The following BCKDHB variants were observed in gnomAD, a reference collection of about 807,000 sequenced individuals.
BCKDHB encodes the protein branched chain keto acid dehydrogenase E1 subunit beta.
A neutral mutation model predicts 48.5 loss-of-function variants in BCKDHB; 41 were observed. The ratio of observed to expected loss-of-function variants is 0.85; its 90% CI spans 0.66 to 1.10. The LOEUF (loss-of-function observed/expected upper bound fraction) is 1.10, where lower values mean the gene tolerates loss of function less well. BCKDHB is among the 50% of genes least tolerant of loss of function. The pLI, the probability that BCKDHB is intolerant of heterozygous loss-of-function variation, is 0.00. For missense variants in BCKDHB, 496 were observed against 494.2 expected, an observed-to-expected ratio of 1.00 and a Z score of -0.03; for synonymous variants, 201 against 174.8, an observed-to-expected ratio of 1.15 and a Z score of -1.18.
chr6:80,197,043 G>A (rs558281550), intron 6 of BCKDHB, among the ~76,000 whole-genome samples: 5 of 152,180 alleles, frequency 3.3e-5, no homozygotes, highest in South Asian at 4.1e-4. Flanking sequence ...GAAATAGAGC[G>A]GTGTCAGTTA....
chr6:80,168,361 G>A (rs771112006), intron 4 of BCKDHB, among the ~76,000 whole-genome samples: 23 of 141,938 alleles, frequency 1.6e-4, no homozygotes, highest in Non-Finnish European at 3.2e-4. Flanking sequence ...GAGGAGAGGA[G>A]AGAGGAAGGG....
chr6:80,211,628 G>A (rs1774936898), intron 8 of BCKDHB, among the ~76,000 whole-genome samples: 2 of 152,116 alleles, frequency 1.3e-5, no homozygotes, highest in Non-Finnish European at 1.5e-5. Context: ...TGATTTCATC[G>A]CTTTCCACCT....
chr6:80,433,352 T>A, the BCKDHB span, among the ~76,000 whole-genome samples: 1 of 152,130 alleles, frequency 6.6e-6, no homozygotes, highest in African/African-American at 2.4e-5. Flanking sequence ...TTTTCAGAGA[T>A]GCCCTGCCCA....
the BCKDHB span, among the ~76,000 whole-genome samples, chr6:80,457,704 C>A: frequency 6.6e-5 from 10 of 152,178 alleles, no homozygotes; most frequent in Admixed American, 2.0e-4. Context: ...ACCGGGAAGT[C>A]AGACAAAGAT....
chr6:80,199,531 A>G (rs1774284091), intron 6 of BCKDHB, among the ~76,000 whole-genome samples: 1 of 151,976 alleles, frequency 6.6e-6, no homozygotes, highest in Non-Finnish European at 1.5e-5. Flanking sequence ...TAATCCCAGC[A>G]CTTTGGGAGC....
At chr6:80,436,723 C>G in the BCKDHB span, among the ~76,000 whole-genome samples, 1 of 152,168 alleles carries the variant, frequency 6.6e-6, no homozygotes, top group African/African-American at 2.4e-5. Flanking sequence ...TTGATTAATA[C>G]TCTTTCCCTT....
chr6:80,153,844 G>C lies in BCKDHB; in HGVS notation c.344-13834G>C, dbSNP rs2127757378. 1.3e-5 allele frequency among the ~76,000 whole-genome samples: 2 copies of C among 152,288 alleles called. 1 individual carries two copies. The highest frequency in any genetic ancestry group is 4.1e-4 in the South Asian group (2 of 4,828). ...AACACCACACAACTGGTAAATGGTG[G>C]AACCAGATTTAAACCCATGTATCGT... On this transcript the variant is annotated intron_variant, in intron 3 of 9. Transcript: ENST00000320393.
intron 1 of BCKDHB, among the ~76,000 whole-genome samples, chr6:80,121,613 T>C (rs1347492292): frequency 6.6e-6 from 1 of 152,208 alleles, no homozygotes; most frequent in Non-Finnish European, 1.5e-5. Flanking sequence ...TATTTTATTT[T>C]GTTTGTAGCA....
intron 3 of BCKDHB, among the ~76,000 whole-genome samples, chr6:80,136,052 T>A (rs1337238292): frequency 6.6e-6 from 1 of 152,226 alleles, no homozygotes; most frequent in East Asian, 1.9e-4. Flanking sequence ...CTACATTTTG[T>A]TTATCCATTC....
intron 7 of BCKDHB, among the ~76,000 whole-genome samples, chr6:80,201,649 C>G (rs1774400340): frequency 1.3e-5 from 2 of 152,218 alleles, no homozygotes; most frequent in African/African-American, 2.4e-5. Flanking sequence ...ATCCACTGGT[C>G]AAGCCTCAAA....
Position 80,150,459 on chromosome 6 carries a change from A to C in BCKDHB, c.344-17219A>C, listed in dbSNP as rs547142056. The stretch of plus-strand genomic sequence containing the variant: ...TTAACTGATACAGTAAATATATTGC[A>C]TATCAGTGAATGATGTCTAATGGAA... On this transcript the variant is annotated intron_variant, in intron 3 of 9. Coordinates refer to ENST00000320393, the MANE Select transcript of BCKDHB (RefSeq NM_183050.4). Among the ~76,000 whole-genome samples the C allele has an allele frequency of 3.3e-5, 5 of 152,142 alleles. 1 individual carries two copies. The South Asian group carries it at 1.0e-3, about 32-fold the overall frequency.
At chr6:80,298,719 G>A (rs896944231) in intron 9 of BCKDHB, among the ~76,000 whole-genome samples, 7 of 152,184 alleles carry the variant, frequency 4.6e-5, no homozygotes, top group Non-Finnish European at 1.0e-4. Flanking sequence ...AAGTAACAGA[G>A]AAGATTGGAA....
chr6:80,164,026 G>A (rs1772451955), intron 3 of BCKDHB, among the ~76,000 whole-genome samples: 1 of 152,136 alleles, frequency 6.6e-6, no homozygotes, highest in Non-Finnish European at 1.5e-5. Flanking sequence ...GTCCACCCTT[G>A]CTATTGACAG....
the BCKDHB span, among the ~76,000 whole-genome samples, chr6:80,384,327 G>A: frequency 1.3e-4 from 18 of 137,702 alleles, no homozygotes; most frequent in Admixed American, 1.0e-3. Context: ...TCGGACTCCC[G>A]ATCTTCTTCT....
At chr6:80,369,827 C>G in the BCKDHB span, among the ~76,000 whole-genome samples, 4 of 152,080 alleles carry the variant, frequency 2.6e-5, no homozygotes, top group African/African-American at 9.7e-5. Context: ...TCCATTCAAA[C>G]CTGCATTCTG....
chr6:80,211,441 TG>T (rs951469731), intron 8 of BCKDHB, among the ~76,000 whole-genome samples: 1 of 152,202 alleles, frequency 6.6e-6, no homozygotes, highest in Non-Finnish European at 1.5e-5. Flanking sequence ...ATTTCTCTCC[TG>T]GGTTTTGGCC....
At chr6:80,342,681 A>G (rs1769978710) in intron 9 of BCKDHB, among the ~76,000 whole-genome samples, 1 of 151,920 alleles carries the variant, frequency 6.6e-6, no homozygotes, top group South Asian at 2.1e-4. Flanking sequence ...GGTCACAGCT[A>G]CTTGGTAGTC....
intron 8 of BCKDHB, among the ~76,000 whole-genome samples, chr6:80,268,247 G>C (rs1025410128): frequency 1.1e-4 from 16 of 152,020 alleles, no homozygotes; most frequent in African/African-American, 3.9e-4. Flanking sequence ...ATCTAATTCA[G>C]TTGCGTTGAT....
intron 9 of BCKDHB, among the ~76,000 whole-genome samples, chr6:80,281,833 A>G (rs1328197209): frequency 2.0e-5 from 3 of 150,030 alleles, no homozygotes; most frequent in African/African-American, 7.3e-5. Flanking sequence ...TCTTTTTTCC[A>G]TTTTCCTAAT....
Sources: gnomAD v4.1 joint callset for allele counts (sites outside exome capture counted in the v4.1 genomes callset) on GRCh38, gnomAD v4.1.1 for gene constraint, MANE v1.5 for transcripts, NCBI Gene and HGNC (gene_info 2026-07-23, HGNC 2026-07-21) for gene names.